The following OSBPL8 variants were observed in gnomAD, a reference collection of about 807,000 sequenced individuals.
The protein encoded by OSBPL8 is oxysterol-binding protein-related protein 8.
Under a neutral mutation model 125.5 loss-of-function variants are expected in OSBPL8, and 59 were observed. That is an observed-to-expected ratio of 0.47 (90% CI 0.38 to 0.58). The LOEUF is 0.58. OSBPL8 is among the 20% of genes least tolerant of loss of function. OSBPL8 has a pLI of 0.00. For synonymous variants in OSBPL8, 330 were observed against 338.9 expected, an observed-to-expected ratio of 0.97 and a Z score of 0.29; for missense variants, 758 against 1,047.8, an observed-to-expected ratio of 0.72 and a Z score of 3.82.
chr12:76,365,045 C>T (rs1334709140), intron 21 of OSBPL8, among the ~76,000 whole-genome samples: 2 of 152,252 alleles, frequency 1.3e-5, no homozygotes, highest in East Asian at 3.9e-4. Context: ...CACTTGACCT[C>T]TCTGGGCTCA....
chr12:76,384,363 A>T lies in OSBPL8; in HGVS notation c.1534-13T>A. 6 of 1,343,630 alleles carry T rather than the reference A, an allele frequency of 4.5e-6. No individual in the cohort carries two copies. Among genetic ancestry groups the T allele is most frequent in the Non-Finnish European group, 6.2e-6 (6 of 973,372 alleles). The allele number at this position is 1,343,630 out of a possible 1,614,324, so 83.2% of individuals were successfully genotyped here. A position where few individuals can be genotyped will look rare whatever the true frequency, so the allele number is the denominator to read the frequency against. On this transcript the variant is annotated splice_polypyrimidine_tract_variant and intron_variant, in intron 14 of 23. Coordinates refer to ENST00000261183, the MANE Select transcript of OSBPL8 (RefSeq NM_020841.5). ...GATGATGGGACACCTATTAAACATA[A>T]GAAAAACATGCATATATAAAATATA...
chr12:76,440,276 A>T (rs12809879), intron 4 of OSBPL8, among the ~76,000 whole-genome samples: 77,714 of 151,900 alleles, frequency 0.51, 21,585 homozygotes, highest in African/African-American at 0.72. Flanking sequence ...TTCTCTCTGA[A>T]AATGGTTCGT....
At chr12:76,377,587 G>A (rs973499951) in intron 16 of OSBPL8, among the ~76,000 whole-genome samples, 4 of 151,862 alleles carry the variant, frequency 2.6e-5, no homozygotes, top group Admixed American at 1.3e-4. Context: ...GTGTCTGTTC[G>A]TATCCTTTGC....
intron 1 of OSBPL8, chr12:76,537,964 C>T (rs1000450468): frequency 2.6e-5 from 4 of 152,090 alleles, no homozygotes; most frequent in East Asian, 1.9e-4. Context: ...GACCTTTAAA[C>T]GCAGTAGCAC....
rs138681073 is a variant in OSBPL8, at chr12:76,412,075, T to C, written c.218-1441A>G. On this transcript the variant is annotated intron_variant, in intron 4 of 23. Coordinates refer to ENST00000261183, the MANE Select transcript of OSBPL8 (RefSeq NM_020841.5). ...CAAAAGAGAGGCACAAGAATGTTCATAGAAGCTTTATTCATAATAGCCAAA... is the reference window on the plus strand; with the variant it reads ...CAAAAGAGAGGCACAAGAATGTTCACAGAAGCTTTATTCATAATAGCCAAA... Among the ~76,000 whole-genome samples, 129 of 152,280 alleles carry C rather than the reference T, an allele frequency of 8.5e-4. 1 individual carries two copies. The highest frequency in any genetic ancestry group is 3.0e-3 in the African/African-American group (124 of 41,568).
At chr12:76,359,130 T>C (rs1952101861) in intron 21 of OSBPL8, among the ~76,000 whole-genome samples, 2 of 152,194 alleles carry the variant, frequency 1.3e-5, no homozygotes, top group African/African-American at 2.4e-5. Context: ...TAAACAAATA[T>C]GAATATAGAT....
At chr12:76,486,040 GT>G in intron 2 of OSBPL8, 1 of 432,266 alleles carries the variant, frequency 2.3e-6, no homozygotes, top group South Asian at 1.7e-5. Context: ...CTTACCATCC[GT>G]TTTTCATTTA....
At chr12:76,372,848 A>G (rs1026666240) in intron 18 of OSBPL8, among the ~76,000 whole-genome samples, 2 of 152,208 alleles carry the variant, frequency 1.3e-5, no homozygotes. Context: ...AATTGGAACT[A>G]TGCCTCTTTC....
At chr12:76,543,355 G>A (rs1298466131) in intron 1 of OSBPL8, among the ~76,000 whole-genome samples, 1 of 151,886 alleles carries the variant, frequency 6.6e-6, no homozygotes, top group Admixed American at 6.6e-5. Context: ...CCACCATCTG[G>A]GAGTTTAAAA....
intron 16 of OSBPL8, among the ~76,000 whole-genome samples, chr12:76,376,602 A>AT (rs1466683539): frequency 6.6e-6 from 1 of 152,108 alleles, no homozygotes; most frequent in Non-Finnish European, 1.5e-5. Flanking sequence ...ATATAGTTTT[A>AT]TTTTTTCTAA....
Position 76,426,201 on chromosome 12 carries a change from C to G in OSBPL8, c.218-15567G>C, listed in dbSNP as rs1870127961. On this transcript the variant is annotated intron_variant, in intron 4 of 23. Transcript: ENST00000261183. The stretch of plus-strand genomic sequence containing the variant: ...GCTTCAGACAATCACAGGCAACAAA[C>G]TAATCAGATCATGTTCAAATAAGGC... Among the ~76,000 whole-genome samples, 3 of 152,190 alleles carry G rather than the reference C, an allele frequency of 2.0e-5. 1 individual carries two copies. Among genetic ancestry groups the G allele is most frequent in the Admixed American group, 2.0e-4 (3 of 15,274 alleles).
chr12:76,398,996 A>C (rs145797645), intron 7 of OSBPL8, among the ~76,000 whole-genome samples: 134 of 152,346 alleles, frequency 8.8e-4, no homozygotes, highest in African/African-American at 3.2e-3. Context: ...GACTTAACAG[A>C]GGGCAGCTTT....
intron 4 of OSBPL8, among the ~76,000 whole-genome samples, chr12:76,445,828 T>C (rs952638323): frequency 1.3e-5 from 2 of 152,124 alleles, no homozygotes; most frequent in African/African-American, 4.8e-5. Context: ...CACCACATGA[T>C]TCAGCAATTG....
rs186039440 is a variant in OSBPL8, at chr12:76,358,141, A to G, written c.2434+565T>C. Among the ~76,000 whole-genome samples the G allele has an allele frequency of 1.3e-3, 198 of 151,236 alleles. 4 individuals carry two copies. Among genetic ancestry groups the G allele is most frequent in the Non-Finnish European group, 4.4e-5 (3 of 67,820 alleles). On this transcript the variant is annotated intron_variant, in intron 22 of 23. Transcript: ENST00000261183. ...ATCAGCAATTTTTCAGAGGTTAACA[A>G]GGCATAAGAGGTAGCTACTACTAGA...
At chr12:76,489,310 A>G (rs1165082162) in intron 1 of OSBPL8, among the ~76,000 whole-genome samples, 1 of 152,256 alleles carries the variant, frequency 6.6e-6, no homozygotes, top group African/African-American at 2.4e-5. Flanking sequence ...TTTTCAATAT[A>G]GATGAAATAG....
intron 12 of OSBPL8, among the ~76,000 whole-genome samples, chr12:76,387,668 A>G (rs1175030033): frequency 6.6e-6 from 1 of 152,174 alleles, no homozygotes; most frequent in Non-Finnish European, 1.5e-5. Context: ...AGCATGTCTG[A>G]CAGTCCAATG....
intron 2 of OSBPL8, among the ~76,000 whole-genome samples, chr12:76,484,934 T>C (rs1877958105): frequency 1.3e-5 from 2 of 152,194 alleles, no homozygotes; most frequent in South Asian, 4.1e-4. Flanking sequence ...TTTATTATTT[T>C]TTTGAGACGG....
At chr12:76,472,930 G>C (rs557839386) in intron 2 of OSBPL8, among the ~76,000 whole-genome samples, 4 of 152,092 alleles carry the variant, frequency 2.6e-5, no homozygotes, top group East Asian at 2.0e-4. Context: ...AAACTCCCCC[G>C]GGGAAAGGGA....
At chr12:76,408,885 T>C (rs977068174) in intron 5 of OSBPL8, among the ~76,000 whole-genome samples, 2 of 152,058 alleles carry the variant, frequency 1.3e-5, no homozygotes, top group Non-Finnish European at 2.9e-5. Context: ...GGCAAATAGG[T>C]AGCTGTGGTA....
Sources: allele counts gnomAD v4.1 joint callset (sites outside exome capture counted in the v4.1 genomes callset), GRCh38; gene constraint gnomAD v4.1.1; transcripts MANE v1.5; gene names NCBI Gene and HGNC (gene_info 2026-07-23, HGNC 2026-07-21).